The following TENM1 variants were observed in gnomAD, a reference collection of about 807,000 sequenced individuals.
TENM1 encodes the protein teneurin transmembrane protein 1, also known as teneurin-1.
A neutral mutation model predicts 174.8 loss-of-function variants in TENM1; 35 were observed. That is an observed-to-expected ratio of 0.20 (90% CI 0.15 to 0.27). TENM1 has a LOEUF of 0.27. Ranked by LOEUF, TENM1 falls within the 10% of genes least tolerant of loss-of-function variation. TENM1 has a pLI of 1.00. For missense variants in TENM1, 1,633 were observed against 2,130.1 expected (o/e 0.77, Z 4.59); for synonymous variants, 781 against 798.7 (o/e 0.98, Z 0.37).
At chrX:124,596,341 T>C (rs1188745149) in intron 11 of TENM1, among the ~76,000 whole-genome samples, 2 of 112,374 alleles carry the variant, frequency 1.8e-5, no homozygotes, top group African/African-American at 6.5e-5. Flanking sequence ...TCCATCCTTT[T>C]TTCCTTCCTT....
At chrX:125,127,729 G>A in the TENM1 span, among the ~76,000 whole-genome samples, 1 of 111,001 alleles carries the variant, frequency 9.0e-6, no homozygotes, top group Non-Finnish European at 1.9e-5. Flanking sequence ...AGGGAAGGGA[G>A]ATTTCCCATC....
At chrX:124,985,522 C>T in the TENM1 span, among the ~76,000 whole-genome samples, 8 of 111,727 alleles carry the variant, frequency 7.2e-5, no homozygotes, top group African/African-American at 2.3e-4. Flanking sequence ...ATCCTGACAT[C>T]GGAATACACA....
At chrX:124,392,268 G>A (rs749923232) in exon 28 of TENM1, 32 of 1,208,173 alleles carry the variant, frequency 2.6e-5, no homozygotes, top group Non-Finnish European at 3.6e-5. Flanking sequence ...TTCGAAGGGT[G>A]AATTTTCGAT....
the TENM1 span, among the ~76,000 whole-genome samples, chrX:125,023,864 A>T: frequency 1.8e-5 from 2 of 111,809 alleles, no homozygotes; most frequent in African/African-American, 6.5e-5. Flanking sequence ...AGTATCTACA[A>T]GGAACACAAA....
intron 3 of TENM1, among the ~76,000 whole-genome samples, chrX:124,884,608 C>A (rs1247132132): frequency 9.0e-6 from 1 of 111,050 alleles, no homozygotes; most frequent in Non-Finnish European, 1.9e-5. Flanking sequence ...AGCAGGCTGC[C>A]TTGCTTCCCT....
chrX:124,678,300 T>C (rs1448124302), intron 5 of TENM1, among the ~76,000 whole-genome samples: 1 of 111,424 alleles, frequency 9.0e-6, no homozygotes, highest in Non-Finnish European at 1.9e-5. Flanking sequence ...CAATGCATAT[T>C]CTACGATCTG....
chrX:124,837,384 C>T (rs1230754166), intron 3 of TENM1, among the ~76,000 whole-genome samples: 2 of 112,364 alleles, frequency 1.8e-5, no homozygotes, highest in African/African-American at 6.5e-5. Flanking sequence ...CTACGACGCC[C>T]AGCCTTTTTT....
chrX:124,520,624 C>T (rs770748748), exon 18 of TENM1: 35 of 1,208,534 alleles, frequency 2.9e-5, no homozygotes, highest in East Asian at 8.9e-5. Context: ...CTGTGTGAGT[C>T]GCCCTTCCAC....
At chrX:124,811,695 G>A (rs1293388315) in intron 3 of TENM1, among the ~76,000 whole-genome samples, 2 of 111,030 alleles carry the variant, frequency 1.8e-5, no homozygotes, top group Non-Finnish European at 3.8e-5. Context: ...AATCAGTATG[G>A]CAAAGAGATA....
At chrX:124,781,548 A>G (rs995551688) in intron 3 of TENM1, among the ~76,000 whole-genome samples, 4 of 111,914 alleles carry the variant, frequency 3.6e-5, no homozygotes, top group South Asian at 3.7e-4. Context: ...TACCAGTCTA[A>G]GTAAGCAATC....
At chrX:124,581,286 C>T (rs141794740) in intron 11 of TENM1, among the ~76,000 whole-genome samples, 5,365 of 110,173 alleles carry the variant, frequency 0.049, 175 homozygotes, top group African/African-American at 0.11. Context: ...AGGATGGTCT[C>T]CATCTCCTCA....
the TENM1 span, among the ~76,000 whole-genome samples, chrX:125,020,383 G>A: frequency 0.012 from 1,326 of 110,079 alleles, 10 homozygotes; most frequent in Admixed American, 0.041. Context: ...GAATGGATCC[G>A]CTAACTCCAT....
chrX:125,026,034 G>A, the TENM1 span, among the ~76,000 whole-genome samples: 11 of 109,955 alleles, frequency 1.0e-4, no homozygotes, highest in Non-Finnish European at 2.1e-4. Flanking sequence ...GACTAAATGT[G>A]AATAAAAGAA....
rs1230817163 is a variant in TENM1 at position 124,641,782 on chromosome X, C to T, written c.2077+9G>A. ...TAGAGGAAGGAGAAGGAAATTAACT[C>T]CACTACACCTGTTGAGCAGTCAGAT... On this transcript the variant is annotated intron_variant, in intron 11 of 31. Transcript: ENST00000422452. 3.2e-5 allele frequency: 39 copies of T among 1,203,138 alleles called. No individual in the cohort carries two copies. The highest frequency in any genetic ancestry group is 3.9e-5 in the Non-Finnish European group (35 of 888,995).
chrX:124,783,166 G>C (rs1207134578), intron 3 of TENM1, among the ~76,000 whole-genome samples: 1 of 111,909 alleles, frequency 8.9e-6, no homozygotes, highest in Non-Finnish European at 1.9e-5. Context: ...ACTAGTAGTA[G>C]CAAATTTATG....
the TENM1 span, among the ~76,000 whole-genome samples, chrX:125,092,528 G>A: frequency 9.0e-6 from 1 of 111,714 alleles, no homozygotes; most frequent in African/African-American, 3.3e-5. Flanking sequence ...TTTTAGGGAA[G>A]TAAAATGCAA....
chrX:125,039,754 T>C, the TENM1 span, among the ~76,000 whole-genome samples: 1 of 111,405 alleles, frequency 9.0e-6, no homozygotes, highest in Non-Finnish European at 1.9e-5. Flanking sequence ...ACTTTGATCC[T>C]AGTTTTCTTT....
At chrX:124,496,949 C>T in intron 20 of TENM1, 67 bp downstream of exon 23, 3 of 1,128,769 alleles carry the variant, frequency 2.7e-6, no homozygotes, top group Non-Finnish European at 3.6e-6. Flanking sequence ...AGTGCTTTGT[C>T]TTTTCATATT....
chrX:125,199,300 A>G, the TENM1 span, among the ~76,000 whole-genome samples: 2 of 111,966 alleles, frequency 1.8e-5, no homozygotes, highest in Non-Finnish European at 3.8e-5. Context: ...GAAATTTGTC[A>G]TAAGCACCCA....
Sources: allele counts gnomAD v4.1 joint callset (sites outside exome capture counted in the v4.1 genomes callset), GRCh38; gene constraint gnomAD v4.1.1; transcripts MANE v1.5; gene names NCBI Gene and HGNC (gene_info 2026-07-23, HGNC 2026-07-21).